The following FUT8 variants were observed in gnomAD, a reference collection of about 807,000 sequenced individuals.
FUT8 encodes alpha-(1,6)-fucosyltransferase.
FUT8 carries 29 observed loss-of-function variants against 71.3 expected under a neutral mutation model. The observed-to-expected ratio is 0.41, with a 90% CI of 0.30 to 0.55. The LOEUF is 0.55. Ranked by LOEUF, FUT8 falls within the 20% of genes least tolerant of loss-of-function variation. The probability of loss-of-function intolerance (pLI) is 0.34; values close to 1 mark genes in which losing one functional copy is unlikely to be tolerated. For missense variants in FUT8, 544 were observed against 702.1 expected (o/e 0.77, Z 2.55); for synonymous variants, 254 against 239.3 (o/e 1.06, Z -0.57).
chr14:65,674,400 CA>C (rs1170060218), intron 7 of FUT8, among the ~76,000 whole-genome samples: 3 of 152,148 alleles, frequency 2.0e-5, no homozygotes, highest in African/African-American at 2.4e-5. Context: ...TCATGATACT[CA>C]TTATCTACCT....
chr14:65,411,160 C>A (rs1330097886), upstream of FUT8: 1 of 152,214 alleles, frequency 6.6e-6, no homozygotes, highest in Admixed American at 6.5e-5. Flanking sequence ...AGCATCCATG[C>A]ATTTACAAAT....
intron 2 of FUT8, among the ~76,000 whole-genome samples, chr14:65,548,649 G>A (rs1157942135): frequency 6.6e-6 from 1 of 151,758 alleles, no homozygotes; most frequent in Admixed American, 6.6e-5. Flanking sequence ...AAAATATATG[G>A]GACTTTGGGT....
intron 6 of FUT8, among the ~76,000 whole-genome samples, chr14:65,648,008 C>T: frequency 6.6e-6 from 1 of 152,120 alleles, no homozygotes; most frequent in Non-Finnish European, 1.5e-5. Context: ...TTTTTGCCAC[C>T]ATGTTTTTAC....
chr14:65,650,716 A>C (rs1283672254), intron 6 of FUT8, among the ~76,000 whole-genome samples: 22 of 150,614 alleles, frequency 1.5e-4, no homozygotes, highest in Non-Finnish European at 2.2e-4. Context: ...ACAAAAAAAA[A>C]AAAAAAAAAA....
At chr14:65,721,486 A>G (rs1172338837) in intron 7 of FUT8, among the ~76,000 whole-genome samples, 1 of 152,204 alleles carries the variant, frequency 6.6e-6, no homozygotes, top group African/African-American at 2.4e-5. Flanking sequence ...TTCTTTGATT[A>G]GATACTTTGA....
rs1890987582 is a variant in FUT8 at position 65,643,868 on chromosome 14, T to C, written c.597+14262T>C. ...GGTATATCAGCCCAATATGTACTTGTTTTAAAGTTATTTCGAAAGTAATTT... is the reference window on the plus strand; with the variant it reads ...GGTATATCAGCCCAATATGTACTTGCTTTAAAGTTATTTCGAAAGTAATTT... On this transcript the variant is annotated intron_variant, in intron 6 of 10. Transcript: ENST00000673929. The surrounding 1 kb of genome is among the most constrained non-coding windows in gnomAD (Gnocchi z 4.5). Among the ~76,000 whole-genome samples the C allele has an allele frequency of 1.3e-5, 2 of 152,204 alleles. No homozygotes were observed. The highest frequency in any genetic ancestry group is 2.9e-5 in the Non-Finnish European group (2 of 68,032).
chr14:65,379,272 G>A, the FUT8 span, among the ~76,000 whole-genome samples: 1 of 152,072 alleles, frequency 6.6e-6, no homozygotes, highest in Non-Finnish European at 1.5e-5. Context: ...GCTCATGCCT[G>A]TAATCCCAGC....
At chr14:65,548,596 C>T (rs1440219916) in intron 2 of FUT8, among the ~76,000 whole-genome samples, 1 of 151,786 alleles carries the variant, frequency 6.6e-6, no homozygotes, top group African/African-American at 2.4e-5. Context: ...GGTGGATTAA[C>T]TTTGAAACCT....
chr14:65,677,189 T>C (rs1272799913), intron 7 of FUT8, among the ~76,000 whole-genome samples: 3 of 143,188 alleles, frequency 2.1e-5, no homozygotes, highest in South Asian at 4.5e-4. Context: ...TGTGTGCGCA[T>C]GTGTGTTTTT....
chr14:65,374,585 G>A, the FUT8 span, among the ~76,000 whole-genome samples: 8 of 151,388 alleles, frequency 5.3e-5, no homozygotes, highest in Admixed American at 1.3e-4. Context: ...CTAACCAACG[G>A]TGAGTTGTTT....
chr14:65,622,543 T>G (rs1344429312), intron 5 of FUT8, among the ~76,000 whole-genome samples: 1 of 152,218 alleles, frequency 6.6e-6, no homozygotes, highest in South Asian at 2.1e-4. Context: ...TGTTGTCTTA[T>G]ATATGATAGT....
At chr14:65,549,668 T>C (rs1045978999) in intron 2 of FUT8, among the ~76,000 whole-genome samples, 2 of 152,190 alleles carry the variant, frequency 1.3e-5, no homozygotes, top group African/African-American at 4.8e-5. Context: ...CTAATGATGA[T>C]GGATGAGTTT....
chr14:65,597,348 G>C (rs1189332090), intron 3 of FUT8, among the ~76,000 whole-genome samples: 1 of 152,188 alleles, frequency 6.6e-6, no homozygotes. Context: ...ACACTATCAG[G>C]CCGGGTGCGA....
intron 7 of FUT8, among the ~76,000 whole-genome samples, chr14:65,694,288 A>ATGTG (rs1893868632): frequency 6.6e-6 from 1 of 152,152 alleles, no homozygotes; most frequent in Non-Finnish European, 1.5e-5. Context: ...CCTTTTCATT[A>ATGTG]TGTGTATTCA....
intron 3 of FUT8, among the ~76,000 whole-genome samples, chr14:65,564,881 T>G (rs1448341878): frequency 3.3e-5 from 5 of 152,060 alleles, no homozygotes; most frequent in Non-Finnish European, 5.9e-5. Flanking sequence ...CTGAGTAGTA[T>G]TTTTATTCTT....
intron 6 of FUT8, among the ~76,000 whole-genome samples, chr14:65,654,350 A>G (rs1594864674): frequency 1.3e-5 from 2 of 152,212 alleles, no homozygotes; most frequent in East Asian, 3.8e-4. Context: ...GCACTCTGGA[A>G]GGCCAAGGCA....
rs187399767 is a variant in FUT8 at position 65,489,155 on chromosome 14, A to G, written c.-228+33437A>G. On this transcript the variant is annotated intron_variant, in intron 2 of 10. Transcript: ENST00000673929. The surrounding 1 kb of genome is among the most constrained non-coding windows in gnomAD (Gnocchi z 4.0). ...GCAAATTATCATGAAAAATTCAATA[A>G]TGTTGCTTTTTCTTTTTGATAGCCA... Among the ~76,000 whole-genome samples, 314 of 152,282 alleles carry G rather than the reference A, an allele frequency of 2.1e-3. 1 individual carries two copies. The highest frequency in any genetic ancestry group is 3.4e-3 in the Middle Eastern group (1 of 294).
At position 65,643,935 on chromosome 14, in the gene FUT8, A is replaced by G. The variant is rs10873192; in HGVS notation, c.597+14329A>G. Among the ~76,000 whole-genome samples, 127,922 of 152,062 alleles carry G rather than the reference A, an allele frequency of 0.84. 53,945 individuals carry two copies. The highest frequency in any genetic ancestry group is 1 in the East Asian group (5,169 of 5,180). On this transcript the variant is annotated intron_variant, in intron 6 of 10. Coordinates refer to ENST00000673929, the MANE Select transcript of FUT8 (RefSeq NM_001371533.1). This position sits in a 1 kb window ranked among gnomAD's most constrained non-coding sequence, Gnocchi z 4.5. The stretch of plus-strand genomic sequence containing the variant: ...TGCCTCATTTTTTTCAAGAAATGGC[A>G]GGTTTCGCTATAGTTCGACTCTGAT...
intron 9 of FUT8, among the ~76,000 whole-genome samples, chr14:65,730,776 T>C (rs1278478080): frequency 1.3e-5 from 2 of 152,218 alleles, no homozygotes; most frequent in East Asian, 3.8e-4. Context: ...AGTATTACAG[T>C]GTTTGAATCA....
Sources: allele counts gnomAD v4.1 joint callset (sites outside exome capture counted in the v4.1 genomes callset), GRCh38; gene constraint gnomAD v4.1.1; non-coding constraint Gnocchi (gnomAD v3.1); transcripts MANE v1.5; gene names NCBI Gene and HGNC (gene_info 2026-07-23, HGNC 2026-07-21).